The following DLG2 variants were observed in gnomAD, a reference collection of about 807,000 sequenced individuals.
DLG2 encodes the protein discs large MAGUK scaffold protein 2.
A neutral mutation model predicts 132.5 loss-of-function variants in DLG2; 45 were observed. That is an observed-to-expected ratio of 0.34 (90% CI 0.27 to 0.44). DLG2 has a LOEUF of 0.44. Among genes scored for constraint, DLG2 ranks in the 20% least tolerant of loss-of-function variants. The probability of loss-of-function intolerance (pLI) is 1.00; values close to 1 mark genes in which losing one functional copy is unlikely to be tolerated. For missense variants in DLG2, 1,045 were observed against 1,196.9 expected (o/e 0.87, Z 1.87); for synonymous variants, 424 against 419.6 (o/e 1.01, Z -0.13).
At position 83,551,829 on chromosome 11, in the gene DLG2, T is replaced by G. The variant is rs141415365; in HGVS notation, c.1941-9971A>C. 2.8e-3 allele frequency among the ~76,000 whole-genome samples: 421 copies of G among 152,300 alleles called. 2 individuals are homozygous for G. The highest frequency in any genetic ancestry group is 9.0e-3 in the African/African-American group (375 of 41,566). On this transcript the variant is annotated intron_variant, in intron 19 of 27. Coordinates refer to ENST00000376104, the MANE Select transcript of DLG2 (RefSeq NM_001142699.3). ...AAATGAGATAATATTCATTTAAATA[T>G]TAAATGTGATATTATTTTCATAGTC...
chr11:85,468,458 G>A (rs987490103), intron 3 of DLG2, among the ~76,000 whole-genome samples: 13 of 152,102 alleles, frequency 8.5e-5, no homozygotes, highest in Admixed American at 5.9e-4. Flanking sequence ...TAGTGCTATA[G>A]ATTTCCCTCT....
intron 6 of DLG2, among the ~76,000 whole-genome samples, chr11:84,746,308 G>C (rs1222919047): frequency 6.6e-6 from 1 of 150,922 alleles, no homozygotes; most frequent in African/African-American, 2.4e-5. Context: ...TTGGATTCCA[G>C]AAACTGATGC....
At chr11:84,968,858 C>T (rs1287458378) in intron 6 of DLG2, among the ~76,000 whole-genome samples, 1 of 152,058 alleles carries the variant, frequency 6.6e-6, no homozygotes, top group Non-Finnish European at 1.5e-5. Context: ...TATAGAGTTA[C>T]AATAACTACA....
At chr11:84,420,650 C>CTTTTTTTTT (rs768420271) in intron 7 of DLG2, among the ~76,000 whole-genome samples, 846 of 42,230 alleles carry the variant, frequency 0.02, 362 homozygotes, top group East Asian at 0.046. Flanking sequence ...TGCTTGTTTT[C>CTTTTTTTTT]TTTTTTTTTT....
chr11:84,804,527 C>G (rs1440840924), intron 6 of DLG2, among the ~76,000 whole-genome samples: 2 of 152,236 alleles, frequency 1.3e-5, no homozygotes, highest in Non-Finnish European at 2.9e-5. Context: ...CAACTAGTGA[C>G]CCTGGGACCC....
At chr11:84,876,420 A>C (rs913607302) in intron 6 of DLG2, among the ~76,000 whole-genome samples, 1 of 152,104 alleles carries the variant, frequency 6.6e-6, no homozygotes, top group East Asian at 1.9e-4. Context: ...GGGAGGGTGT[A>C]TGTGTCCAGG....
chr11:83,827,408 A>C (rs2053182035), intron 17 of DLG2, among the ~76,000 whole-genome samples: 1 of 152,144 alleles, frequency 6.6e-6, no homozygotes, highest in African/African-American at 2.4e-5. Flanking sequence ...AAAATTTTTG[A>C]AATACCCATG....
At chr11:85,585,327 T>C (rs965392102) in intron 3 of DLG2, among the ~76,000 whole-genome samples, 1 of 152,202 alleles carries the variant, frequency 6.6e-6, no homozygotes, top group African/African-American at 2.4e-5. Context: ...TTTGGCTTTA[T>C]TTCTGGGTTC....
chr11:84,549,771 T>C (rs558477006), intron 6 of DLG2, among the ~76,000 whole-genome samples: 2 of 152,276 alleles, frequency 1.3e-5, no homozygotes, highest in South Asian at 4.1e-4. Context: ...TGTTTGTTTT[T>C]GAGATGGAGT....
At chr11:84,407,220 C>A (rs1012908230) in intron 7 of DLG2, among the ~76,000 whole-genome samples, 2 of 152,064 alleles carry the variant, frequency 1.3e-5, no homozygotes, top group African/African-American at 2.4e-5. Context: ...GTCTGTCTCG[C>A]TTTTGTTTCC....
rs909413422 is a variant in DLG2 at position 84,888,013 on chromosome 11, AAAC to A, written c.357+223645_357+223647del. Among the ~76,000 whole-genome samples, 9 of 152,130 alleles carry A rather than the reference AAAC, an allele frequency of 5.9e-5. No individual in the cohort carries two copies. In the South Asian group the frequency reaches 6.2e-4, roughly 10 times the overall value. ...AGTTTCTCAGAAATAATGTTGTAAT[AAAC>A]AACAACAACAACAATACTGTGGCCC... On this transcript the variant is annotated intron_variant, in intron 6 of 27. Coordinates refer to ENST00000376104, the MANE Select transcript of DLG2 (RefSeq NM_001142699.3).
intron 9 of DLG2, among the ~76,000 whole-genome samples, chr11:84,153,008 C>T (rs1009513100): frequency 6.6e-6 from 1 of 152,124 alleles, no homozygotes; most frequent in African/African-American, 2.4e-5. Flanking sequence ...GTTTAGAACT[C>T]CCTCAAGGAC....
intron 22 of DLG2, among the ~76,000 whole-genome samples, chr11:83,477,406 AGTT>A (rs1477012627): frequency 6.6e-6 from 1 of 152,166 alleles, no homozygotes. Flanking sequence ...TGCTAAATAT[AGTT>A]GGAAAACCTA....
chr11:84,586,240 A>T (rs1248245663), intron 6 of DLG2, among the ~76,000 whole-genome samples: 1 of 152,090 alleles, frequency 6.6e-6, no homozygotes, highest in African/African-American at 2.4e-5. Flanking sequence ...GTTTATATAC[A>T]CTAAGGATAT....
intron 6 of DLG2, among the ~76,000 whole-genome samples, chr11:84,597,615 T>C (rs181486491): frequency 6.6e-6 from 1 of 152,196 alleles, no homozygotes; most frequent in Non-Finnish European, 1.5e-5. Context: ...TAAGATGATA[T>C]GGCAGTGGCA....
At chr11:84,715,402 A>C (rs1373748053) in intron 6 of DLG2, among the ~76,000 whole-genome samples, 2 of 152,028 alleles carry the variant, frequency 1.3e-5, no homozygotes, top group African/African-American at 4.8e-5. Context: ...GAATACCTAA[A>C]ATCTACTCTC....
At chr11:85,222,297 A>G (rs955678979) in intron 4 of DLG2, among the ~76,000 whole-genome samples, 3 of 152,132 alleles carry the variant, frequency 2.0e-5, no homozygotes. Flanking sequence ...GATAAATAAT[A>G]TATCCTAAGT....
chr11:83,496,592 G>C (rs2094161190), intron 21 of DLG2, among the ~76,000 whole-genome samples: 1 of 152,134 alleles, frequency 6.6e-6, no homozygotes, highest in South Asian at 2.1e-4. Context: ...TATTCATACA[G>C]TGAAATGCTA....
chr11:84,730,374 T>A (rs1398738766), intron 6 of DLG2, among the ~76,000 whole-genome samples: 1 of 152,068 alleles, frequency 6.6e-6, no homozygotes, highest in African/African-American at 2.4e-5. Flanking sequence ...CACATACTAT[T>A]AATAAATGCT....
Sources: allele counts gnomAD v4.1 joint callset (sites outside exome capture counted in the v4.1 genomes callset), GRCh38; gene constraint gnomAD v4.1.1; transcripts MANE v1.5; gene names NCBI Gene and HGNC (gene_info 2026-07-23, HGNC 2026-07-21).